Variants in EPB41L5 observed in about 807,000 individuals in gnomAD.
The protein encoded by EPB41L5 is erythrocyte membrane protein band 4.1 like 5, also known as band 4.1-like protein 5.
EPB41L5 carries 55 observed loss-of-function variants against 106.6 expected under a neutral mutation model. The ratio of observed to expected loss-of-function variants is 0.52; its 90% CI spans 0.42 to 0.65. The LOEUF (loss-of-function observed/expected upper bound fraction) is 0.65. EPB41L5 is among the 30% of genes least tolerant of loss of function. The probability of loss-of-function intolerance (pLI) is 0.00; values close to 1 mark genes in which losing one functional copy is unlikely to be tolerated. For missense variants in EPB41L5, 871 were observed against 882.1 expected (o/e 0.99, Z 0.16); for synonymous variants, 297 against 306.7 (o/e 0.97, Z 0.33).
chr2:120,108,383 G>A (rs1328514209), intron 16 of EPB41L5: 1 of 151,972 alleles, frequency 6.6e-6, no homozygotes, highest in African/African-American at 2.4e-5. Context: ...TATTTGTTTT[G>A]TTTTTAACTA....
chr2:120,048,535 TTG>T (rs1679987497), intron 3 of EPB41L5, among the ~76,000 whole-genome samples: 1 of 152,166 alleles, frequency 6.6e-6, no homozygotes, highest in Admixed American at 6.5e-5. Flanking sequence ...TTGCGTCTAT[TTG>T]ATTCTTCTGT....
intron 3 of EPB41L5, among the ~76,000 whole-genome samples, chr2:120,057,637 T>TC (rs1491453038): frequency 4.1e-4 from 56 of 137,686 alleles, no homozygotes; most frequent in African/African-American, 1.5e-3. Context: ...TTATAATCTC[T>TC]TTTTTTTTTT....
chr2:120,088,550 A>G (rs1683215630), intron 11 of EPB41L5, among the ~76,000 whole-genome samples: 1 of 152,160 alleles, frequency 6.6e-6, no homozygotes, highest in Non-Finnish European at 1.5e-5. Context: ...ACACGTGTTT[A>G]CCTATGTAAC....
chr2:120,023,726 G>T (rs553291805), intron 2 of EPB41L5, among the ~76,000 whole-genome samples: 80 of 152,282 alleles, frequency 5.3e-4, no homozygotes, highest in African/African-American at 1.9e-3. Context: ...AAGAAAGTCA[G>T]TGGTAGCTTG....
intron 20 of EPB41L5, among the ~76,000 whole-genome samples, chr2:120,155,560 T>C (rs888952947): frequency 1.3e-5 from 2 of 152,210 alleles, no homozygotes; most frequent in African/African-American, 4.8e-5. Context: ...TATTGAATTT[T>C]CAAGTATTAT....
At chr2:120,123,646 C>CTTTTTTTTTTTTTTT in intron 16 of EPB41L5, among the ~76,000 whole-genome samples, 1 of 68,304 alleles carries the variant, frequency 1.5e-5, no homozygotes, top group Non-Finnish European at 2.8e-5. Flanking sequence ...GTGTTCGTCC[C>CTTTTTTTTTTTTTTT]TTTTTTTTTT....
intron 14 of EPB41L5, among the ~76,000 whole-genome samples, chr2:120,095,213 A>G (rs1683665540): frequency 6.6e-6 from 1 of 152,034 alleles, no homozygotes; most frequent in East Asian, 1.9e-4. Flanking sequence ...GTAGGTATGT[A>G]TGTGTTGTTA....
chr2:120,170,799 A>G (rs1687641361), intron 24 of EPB41L5, among the ~76,000 whole-genome samples: 1 of 152,178 alleles, frequency 6.6e-6, no homozygotes, highest in African/African-American at 2.4e-5. Flanking sequence ...ATAAGGATAA[A>G]CAAAATCAAG....
intron 3 of EPB41L5, among the ~76,000 whole-genome samples, chr2:120,066,362 A>C (rs891207223): frequency 6.6e-6 from 1 of 152,186 alleles, no homozygotes; most frequent in Non-Finnish European, 1.5e-5. Flanking sequence ...TTTAATAGAA[A>C]ATTGTATATC....
chr2:120,149,541 A>T (rs1686574541), intron 20 of EPB41L5, among the ~76,000 whole-genome samples: 1 of 152,182 alleles, frequency 6.6e-6, no homozygotes, highest in Non-Finnish European at 1.5e-5. Context: ...AGGGTCATCC[A>T]TACTGTACTA....
chr2:120,135,643 G>A (rs2105478475), intron 18 of EPB41L5, among the ~76,000 whole-genome samples: 1 of 152,282 alleles, frequency 6.6e-6, no homozygotes, highest in South Asian at 2.1e-4. Flanking sequence ...GCTTCAGTAA[G>A]TCGAAGCAGA....
chr2:120,118,100 G>T (rs1348718114), intron 16 of EPB41L5, among the ~76,000 whole-genome samples: 1 of 152,102 alleles, frequency 6.6e-6, no homozygotes, highest in Non-Finnish European at 1.5e-5. Context: ...CATTTTAGAG[G>T]AATTCAGCTA....
At chr2:120,105,121 T>A (rs1684373339) in intron 16 of EPB41L5, 1 of 977,760 alleles carries the variant, frequency 1.0e-6, no homozygotes, top group African/African-American at 1.7e-5. Flanking sequence ...AACCATATGA[T>A]TTTTAGATTG....
intron 3 of EPB41L5, among the ~76,000 whole-genome samples, chr2:120,056,146 C>T (rs1033761918): frequency 6.0e-5 from 9 of 151,004 alleles, no homozygotes; most frequent in South Asian, 2.1e-4. Flanking sequence ...AATGAAAGGT[C>T]GTTGGGTTTT....
rs573144098 is a variant in EPB41L5, at chr2:120,083,878, C to T, written c.804-3293C>T. Among the ~76,000 whole-genome samples the T allele has an allele frequency of 2.0e-5, 3 of 152,278 alleles. No individual in the cohort carries two copies. In the South Asian group the frequency reaches 6.2e-4, roughly 32 times the overall value. ...AATGGCCTTCTTTGTCTCTTTTGATCTTTGTTGGTTTCAGGTCTGTTTTAT... is the reference window on the plus strand; with the variant it reads ...AATGGCCTTCTTTGTCTCTTTTGATTTTTGTTGGTTTCAGGTCTGTTTTAT... On this transcript the variant is annotated intron_variant, in intron 10 of 24. Coordinates refer to ENST00000263713, the MANE Select transcript of EPB41L5 (RefSeq NM_020909.4).
chr2:120,042,182 C>T, intron 3 of EPB41L5, 72 bp downstream of exon 3: 1 of 1,123,482 alleles, frequency 8.9e-7, no homozygotes, highest in South Asian at 1.3e-5. Flanking sequence ...ATACTAATTG[C>T]TATAAGGCTT....
intron 14 of EPB41L5, among the ~76,000 whole-genome samples, chr2:120,093,970 C>CT (rs201936912): frequency 4.0e-5 from 6 of 150,392 alleles, no homozygotes; most frequent in East Asian, 2.1e-4. Flanking sequence ...CTTTTCTTCT[C>CT]TTTTTTTTTG....
intron 2 of EPB41L5, among the ~76,000 whole-genome samples, chr2:120,036,697 A>G (rs1461949103): frequency 6.6e-6 from 1 of 152,178 alleles, no homozygotes; most frequent in Non-Finnish European, 1.5e-5. Context: ...AACTTACTTA[A>G]TAGGACCAAA....
chr2:120,022,311 C>T (rs1402042999), intron 2 of EPB41L5, among the ~76,000 whole-genome samples: 1 of 152,062 alleles, frequency 6.6e-6, no homozygotes, highest in Non-Finnish European at 1.5e-5. Context: ...TTAGGTATTT[C>T]TCCTAATACT....
Sources: gnomAD v4.1 joint callset for allele counts (sites outside exome capture counted in the v4.1 genomes callset) on GRCh38, gnomAD v4.1.1 for gene constraint, MANE v1.5 for transcripts, NCBI Gene and HGNC (gene_info 2026-07-23, HGNC 2026-07-21) for gene names.